Variants in LCLAT1 observed in about 807,000 individuals in gnomAD.
LCLAT1 encodes 1-AGP acyltransferase 8.
A neutral mutation model predicts 30.7 loss-of-function variants in LCLAT1; 11 were observed. The observed-to-expected ratio is 0.36, with a 90% CI of 0.23 to 0.59. The LOEUF is 0.59. Among genes scored for constraint, LCLAT1 ranks in the 20% least tolerant of loss-of-function variants. The pLI, the probability that LCLAT1 is intolerant of heterozygous loss-of-function variation, is 0.77. For synonymous variants in LCLAT1, 155 were observed against 151.3 expected (o/e 1.02, Z -0.18); for missense variants, 402 against 458.6 (o/e 0.88, Z 1.13).
At chr2:30,471,777 G>A (rs1008526416) in intron 1 of LCLAT1, among the ~76,000 whole-genome samples, 1 of 152,098 alleles carries the variant, frequency 6.6e-6, no homozygotes, top group Non-Finnish European at 1.5e-5. Context: ...TAGTATTTTT[G>A]TGGGTTCCTA....
At chr2:30,501,228 T>C (rs556415446) in intron 1 of LCLAT1, among the ~76,000 whole-genome samples, 30 of 152,092 alleles carry the variant, frequency 2.0e-4, no homozygotes, top group Non-Finnish European at 4.0e-4. Flanking sequence ...TAAAGCCTTT[T>C]TCTCTGTCAA....
At position 30,492,953 on chromosome 2, in the gene LCLAT1, A is replaced by T. The variant is rs1004645874; in HGVS notation, c.-4-32634A>T. Among the ~76,000 whole-genome samples, 4 of 152,142 alleles carry T rather than the reference A, an allele frequency of 2.6e-5. 1 individual carries two copies. Among genetic ancestry groups the T allele is most frequent in the Admixed American group, 2.6e-4 (4 of 15,274 alleles). On this transcript the variant is annotated intron_variant, in intron 1 of 5. Transcript: ENST00000379509. ...GGGCACACTAAAATTAGCCCTTTTT[A>T]AAAAAGCTCTGGCTTATTTTGGCAC...
intron 5 of LCLAT1, among the ~76,000 whole-genome samples, chr2:30,572,900 C>T (rs1665845289): frequency 6.6e-6 from 1 of 152,066 alleles, no homozygotes; most frequent in East Asian, 1.9e-4. Flanking sequence ...AACTATCTGT[C>T]CTTTCAAATT....
In LCLAT1 at chr2:30,453,239, A is replaced by G. The variant is rs374067709; in HGVS notation, c.-5+5856A>G. On this transcript the variant is annotated intron_variant, in intron 1 of 5. Coordinates refer to ENST00000379509, the MANE Select transcript of LCLAT1 (RefSeq NM_001002257.3). Reference sequence around the variant, plus strand: ...GTATCACAAAGAAAGGAAATGCTGGATGAAGATAAAAATAAATGATGAAGA... The same window carrying G: ...GTATCACAAAGAAAGGAAATGCTGGGTGAAGATAAAAATAAATGATGAAGA... 5.3e-5 allele frequency among the ~76,000 whole-genome samples: 8 copies of G among 152,290 alleles called. No individual in the cohort carries two copies. The South Asian group carries it at 1.4e-3, about 28-fold the overall frequency.
At chr2:30,451,122 A>T (rs907471492) in intron 1 of LCLAT1, among the ~76,000 whole-genome samples, 2 of 152,256 alleles carry the variant, frequency 1.3e-5, no homozygotes, top group African/African-American at 2.4e-5. Context: ...AAGGTACTTA[A>T]CATTATTTGC....
At chr2:30,453,344 T>G (rs1010427482) in intron 1 of LCLAT1, among the ~76,000 whole-genome samples, 4 of 152,184 alleles carry the variant, frequency 2.6e-5, no homozygotes, top group Non-Finnish European at 5.9e-5. Context: ...GGGGATTGTT[T>G]TTAACTCTTG....
intron 1 of LCLAT1, among the ~76,000 whole-genome samples, chr2:30,466,721 G>A (rs1309147750): frequency 6.6e-6 from 1 of 152,064 alleles, no homozygotes; most frequent in Admixed American, 6.5e-5. Context: ...TGGGTATAGG[G>A]CCTGAGCTTC....
chr2:30,521,540 A>G (rs1423116649), intron 1 of LCLAT1, among the ~76,000 whole-genome samples: 1 of 101,538 alleles, frequency 9.8e-6, no homozygotes, highest in Non-Finnish European at 1.8e-5. Context: ...AGGGAGTCTC[A>G]CTCTGTCACC....
intron 1 of LCLAT1, among the ~76,000 whole-genome samples, chr2:30,498,477 GT>G (rs939203242): frequency 4.8e-4 from 73 of 152,290 alleles, no homozygotes; most frequent in African/African-American, 1.7e-3. Flanking sequence ...TATCCAAAGG[GT>G]TTTGGGTTCA....
intron 1 of LCLAT1, among the ~76,000 whole-genome samples, chr2:30,495,014 A>G (rs1684036627): frequency 6.6e-6 from 1 of 150,706 alleles, no homozygotes; most frequent in African/African-American, 2.4e-5. Flanking sequence ...AATCTTTGCC[A>G]GTCCCAGAGC....
intron 1 of LCLAT1, among the ~76,000 whole-genome samples, chr2:30,469,396 T>G (rs1682647748): frequency 6.6e-6 from 1 of 152,120 alleles, no homozygotes; most frequent in African/African-American, 2.4e-5. Flanking sequence ...TTTTGATAGA[T>G]TTTGAATGAG....
intron 1 of LCLAT1, among the ~76,000 whole-genome samples, chr2:30,519,978 C>T (rs1005698439): frequency 2.0e-5 from 3 of 152,186 alleles, no homozygotes; most frequent in African/African-American, 7.2e-5. Flanking sequence ...CGGGGAGGTG[C>T]CCATTGCCGC....
chr2:30,528,205 A>G (rs920281046), intron 2 of LCLAT1, among the ~76,000 whole-genome samples: 6 of 152,248 alleles, frequency 3.9e-5, no homozygotes, highest in Non-Finnish European at 7.3e-5. Context: ...AAGCTGTAAT[A>G]GAATCTGGGA....
Position 30,562,172 on chromosome 2 carries a change from A to G in LCLAT1, c.391A>G (p.Ile131Val), listed in dbSNP as rs750575432. The change falls in exon 4 of 6, where the codon ATC becomes GTC. Residue 131 changes from isoleucine to valine, a missense_variant. Physicochemically the swap from Ile to Val is conservative, Grantham distance 29. Transcript: ENST00000379509. Reference protein sequence around the residue: ...FGWAMQAAAYIFIHRKWKDDK... With the variant: ...FGWAMQAAAYVFIHRKWKDDK... ...TTGGGCCATGCAGGCTGCTGCCTAT[A>G]TCTTCATTCATAGGAAATGGAAGGA... 20 of 1,612,838 alleles carry G rather than the reference A, an allele frequency of 1.2e-5. 1 individual carries two copies. In the East Asian group the frequency reaches 2.9e-4, roughly 23 times the overall value.
At chr2:30,537,617 C>T (rs890715885) in intron 3 of LCLAT1, among the ~76,000 whole-genome samples, 1 of 151,944 alleles carries the variant, frequency 6.6e-6, no homozygotes, top group Non-Finnish European at 1.5e-5. Flanking sequence ...GAGCGTTAGA[C>T]CCCAATATAG....
intron 3 of LCLAT1, among the ~76,000 whole-genome samples, chr2:30,546,123 C>T (rs975292583): frequency 3.9e-5 from 6 of 152,052 alleles, no homozygotes; most frequent in African/African-American, 7.2e-5. Flanking sequence ...AGAGAGAAGC[C>T]AGCAGGAACA....
chr2:30,620,428 A>C (rs1001448468), intron 5 of LCLAT1, among the ~76,000 whole-genome samples: 1 of 152,172 alleles, frequency 6.6e-6, no homozygotes, highest in African/African-American at 2.4e-5. Context: ...TCTCTTCCTC[A>C]ACTAAGGAAC....
chr2:30,606,105 GAA>G (rs1185089340), intron 5 of LCLAT1: 1 of 1,037,830 alleles, frequency 9.6e-7, no homozygotes, highest in Non-Finnish European at 1.3e-6. Context: ...CAAACAAATG[GAA>G]AAACACTCCA....
Position 30,516,174 on chromosome 2 carries a change from G to A in LCLAT1, c.-4-9413G>A, listed in dbSNP as rs552779401. On this transcript the variant is annotated intron_variant, in intron 1 of 5. Coordinates refer to ENST00000379509, the MANE Select transcript of LCLAT1 (RefSeq NM_001002257.3). ...GCACAGGGGGAGGGACAACTATCAGGATATAAACCTAGGTATTCGAACTGG... is the reference window on the plus strand; with the variant it reads ...GCACAGGGGGAGGGACAACTATCAGAATATAAACCTAGGTATTCGAACTGG... Among the ~76,000 whole-genome samples the A allele has an allele frequency of 2.0e-5, 3 of 152,260 alleles. No homozygotes were observed. The East Asian group carries it at 5.8e-4, about 29-fold the overall frequency.
Sources: gnomAD v4.1 joint callset for allele counts (sites outside exome capture counted in the v4.1 genomes callset) on GRCh38, gnomAD v4.1.1 for gene constraint, MANE v1.5 for transcripts, NCBI Gene and HGNC (gene_info 2026-07-23, HGNC 2026-07-21) for gene names.